RNGTT: variants seen among roughly 807,000 people sequenced by gnomAD.
RNGTT encodes mRNA-capping enzyme.
RNGTT carries 33 observed loss-of-function variants against 79.3 expected under a neutral mutation model. That is an observed-to-expected ratio of 0.42 (90% confidence interval 0.32 to 0.56). The LOEUF (loss-of-function observed/expected upper bound fraction) is 0.56. Ranked by LOEUF, RNGTT falls within the 20% of genes least tolerant of loss-of-function variation. The pLI is 0.17. For missense variants in RNGTT, 497 were observed against 739.1 expected (o/e 0.67, Z 3.80); for synonymous variants, 222 against 235.9 (o/e 0.94, Z 0.54).
chr6:88,783,616 T>C (rs1178638040), intron 12 of RNGTT, among the ~76,000 whole-genome samples: 1 of 152,178 alleles, frequency 6.6e-6, no homozygotes, highest in Non-Finnish European at 1.5e-5. Context: ...TGTTCAAGTA[T>C]ATTCAAAAGC....
At chr6:88,855,048 TTTTGTTTGGTGTTTGGTGTTAAA>T (rs1296531928) in intron 8 of RNGTT, among the ~76,000 whole-genome samples, 1 of 152,204 alleles carries the variant, frequency 6.6e-6, no homozygotes, top group African/African-American at 2.4e-5. Context: ...GTTAGGCTGT[TTTTGTTTGGTGTTTGGTGTTAAA>T]TGAAAGAATG....
intron 14 of RNGTT, among the ~76,000 whole-genome samples, chr6:88,639,175 T>TCTAC (rs756503546): frequency 3.3e-5 from 5 of 152,158 alleles, no homozygotes; most frequent in Non-Finnish European, 7.4e-5. Context: ...TATTTCTTCA[T>TCTAC]CTACACTGAG....
chr6:88,790,365 G>A (rs539469664), intron 12 of RNGTT, among the ~76,000 whole-genome samples: 17 of 152,240 alleles, frequency 1.1e-4, no homozygotes, highest in African/African-American at 4.1e-4. Context: ...CCTCCACTGC[G>A]GGCAAAAGGC....
At chr6:88,920,472 T>A (rs1174446701) in intron 4 of RNGTT, among the ~76,000 whole-genome samples, 1 of 152,174 alleles carries the variant, frequency 6.6e-6, no homozygotes, top group Non-Finnish European at 1.5e-5. Context: ...ATGAAATATG[T>A]TAAGGATGTG....
At chr6:88,767,975 G>A (rs1403453824) in intron 13 of RNGTT, among the ~76,000 whole-genome samples, 1 of 152,088 alleles carries the variant, frequency 6.6e-6, no homozygotes, top group African/African-American at 2.4e-5. Flanking sequence ...AGTCATTCCT[G>A]TGTGTGTATT....
rs115113276 is a variant in RNGTT at position 88,724,570 on chromosome 6, G to A, written c.1439+45204C>T. Among the ~76,000 whole-genome samples, 684 of 152,196 alleles carry A rather than the reference G, an allele frequency of 4.5e-3. 2 individuals are homozygous for A. Among genetic ancestry groups the A allele is most frequent in the African/African-American group, 0.016 (647 of 41,530 alleles). On this transcript the variant is annotated intron_variant, in intron 13 of 15. Transcript: ENST00000369485. ...AATTTTTCCACAGACAGGGGAAGGG[G>A]GAGATGGTTTCTGGATGAAACTCTT...
chr6:88,624,150 T>G (rs113141594), intron 14 of RNGTT, among the ~76,000 whole-genome samples: 1 of 151,926 alleles, frequency 6.6e-6, no homozygotes, highest in Non-Finnish European at 1.5e-5. Flanking sequence ...AGATTCAATA[T>G]TGTAAAGATG....
At chr6:88,821,937 CCAAA>C (rs113066495) in intron 11 of RNGTT, among the ~76,000 whole-genome samples, 1 of 148,572 alleles carries the variant, frequency 6.7e-6, no homozygotes, top group African/African-American at 2.5e-5. Context: ...TCCCTAGTCA[CCAAA>C]CAAACAACAA....
chr6:88,613,541 T>C (rs1398474231), intron 15 of RNGTT, among the ~76,000 whole-genome samples: 1 of 152,246 alleles, frequency 6.6e-6, no homozygotes, highest in African/African-American at 2.4e-5. Flanking sequence ...AAAGCTGAAA[T>C]TGGCAATTTC....
intron 14 of RNGTT, among the ~76,000 whole-genome samples, chr6:88,650,351 C>T (rs1221278183): frequency 1.3e-5 from 2 of 152,180 alleles, no homozygotes; most frequent in African/African-American, 4.8e-5. Flanking sequence ...ACCCAATTAA[C>T]CATGTGCTAT....
At chr6:88,634,818 G>C (rs1366199455) in intron 14 of RNGTT, among the ~76,000 whole-genome samples, 1 of 152,028 alleles carries the variant, frequency 6.6e-6, no homozygotes, top group Admixed American at 6.6e-5. Context: ...TAATATGTGA[G>C]TGAAAATGGA....
At chr6:88,754,467 A>G (rs965686358) in intron 13 of RNGTT, among the ~76,000 whole-genome samples, 6 of 152,182 alleles carry the variant, frequency 3.9e-5, no homozygotes, top group Non-Finnish European at 8.8e-5. Context: ...AAGAACACAT[A>G]TATTTCCTTC....
intron 11 of RNGTT, among the ~76,000 whole-genome samples, chr6:88,843,833 G>A (rs904149604): frequency 2.6e-5 from 4 of 150,948 alleles, no homozygotes; most frequent in African/African-American, 7.3e-5. Context: ...TGGGATTACA[G>A]GCATGAGCCA....
intron 1 of RNGTT, among the ~76,000 whole-genome samples, chr6:88,944,523 C>G (rs1419331402): frequency 6.6e-6 from 1 of 152,048 alleles, no homozygotes; most frequent in Non-Finnish European, 1.5e-5. Flanking sequence ...CTTTCAAGGG[C>G]CACCAATCAA....
intron 7 of RNGTT, among the ~76,000 whole-genome samples, chr6:88,891,095 G>A (rs571007454): frequency 6.6e-6 from 1 of 152,150 alleles, no homozygotes; most frequent in South Asian, 2.1e-4. Context: ...AACCAAGGGT[G>A]TAGGTCAAGA....
intron 13 of RNGTT, among the ~76,000 whole-genome samples, chr6:88,762,869 T>G (rs2127837409): frequency 6.6e-6 from 1 of 152,080 alleles, no homozygotes; most frequent in South Asian, 2.1e-4. Flanking sequence ...TGGCATAATA[T>G]CCAGAGTCTC....
chr6:88,898,680 T>C (rs1171969457), intron 6 of RNGTT, among the ~76,000 whole-genome samples: 1 of 150,310 alleles, frequency 6.7e-6, no homozygotes, highest in Non-Finnish European at 1.5e-5. Context: ...TGTGTATATA[T>C]ATATATTATA....
In RNGTT at chr6:88,881,766, A is replaced by G. The variant is rs540982988; in HGVS notation, c.896+8729T>C. On this transcript the variant is annotated intron_variant, in intron 8 of 15. Coordinates refer to ENST00000369485, the MANE Select transcript of RNGTT (RefSeq NM_003800.5). ...GAGAGACATTTGTTAACAACAGCCA[A>G]AGGAAGAAAGAGAGGAAATGTTTAA... Among the ~76,000 whole-genome samples the G allele has an allele frequency of 9.8e-5, 15 of 152,290 alleles. No individual in the cohort carries two copies. The South Asian group carries it at 2.7e-3, about 27-fold the overall frequency.
intron 1 of RNGTT, among the ~76,000 whole-genome samples, chr6:88,955,767 G>T (rs1353637618): frequency 1.3e-5 from 2 of 152,072 alleles, no homozygotes; most frequent in African/African-American, 2.4e-5. Context: ...TCTGGATGTG[G>T]TGCAGTGGCT....
Sources: gnomAD v4.1 joint callset for allele counts (sites outside exome capture counted in the v4.1 genomes callset) on GRCh38, gnomAD v4.1.1 for gene constraint, MANE v1.5 for transcripts, NCBI Gene and HGNC (gene_info 2026-07-23, HGNC 2026-07-21) for gene names.